The following ZNF385D variants were observed in gnomAD, a reference collection of about 807,000 sequenced individuals.
ZNF385D encodes the protein zinc finger protein 659.
A neutral mutation model predicts 35.8 loss-of-function variants in ZNF385D; 15 were observed. That is an observed-to-expected ratio of 0.42 (90% CI 0.28 to 0.64). The LOEUF (loss-of-function observed/expected upper bound fraction) is 0.64. Among genes scored for constraint, ZNF385D ranks in the 30% least tolerant of loss-of-function variants. The pLI is 0.23. For synonymous variants in ZNF385D, 212 were observed against 186.8 expected, an observed-to-expected ratio of 1.13 and a Z score of -1.10; for missense variants, 474 against 494.6, an observed-to-expected ratio of 0.96 and a Z score of 0.39.
chr3:21,731,863 T>C lies in ZNF385D; in HGVS notation c.22+19032A>G, dbSNP rs370966575. 1.9e-4 allele frequency among the ~76,000 whole-genome samples: 29 copies of C among 152,136 alleles called. 4 individuals carry two copies. Among genetic ancestry groups the C allele is most frequent in the Admixed American group, 1.2e-3 (19 of 15,280 alleles). Reference sequence around the variant, plus strand: ...CTAATATGCATTTAATGTCCCACCATGCCTTTTCATCACTTGGTAGTTCAT... The same window carrying C: ...CTAATATGCATTTAATGTCCCACCACGCCTTTTCATCACTTGGTAGTTCAT... On this transcript the variant is annotated intron_variant, in intron 1 of 7. Transcript: ENST00000281523.
chr3:22,057,040 A>C (rs1699438288), intron 3 of ZNF385D, among the ~76,000 whole-genome samples: 1 of 152,256 alleles, frequency 6.6e-6, no homozygotes, highest in Admixed American at 6.5e-5. Flanking sequence ...AGAAGTGAGA[A>C]GTAAAACAGA....
At chr3:21,930,652 G>C (rs1029154008) in intron 3 of ZNF385D, among the ~76,000 whole-genome samples, 1 of 152,128 alleles carries the variant, frequency 6.6e-6, no homozygotes, top group South Asian at 2.1e-4. Context: ...ACAGAACTAA[G>C]ATGAGAAATT....
intron 3 of ZNF385D, among the ~76,000 whole-genome samples, chr3:22,011,121 G>A (rs1017968708): frequency 6.6e-6 from 1 of 151,988 alleles, no homozygotes; most frequent in African/African-American, 2.4e-5. Flanking sequence ...TAATTTCTTA[G>A]AGTTTGATTT....
At chr3:22,084,099 G>C (rs948827768) in intron 3 of ZNF385D, among the ~76,000 whole-genome samples, 1 of 152,158 alleles carries the variant, frequency 6.6e-6, no homozygotes, top group Non-Finnish European at 1.5e-5. Context: ...ACATGGAAAG[G>C]AACAACCAGT....
At chr3:21,634,178 C>A (rs2065358732) in intron 2 of ZNF385D, among the ~76,000 whole-genome samples, 1 of 150,602 alleles carries the variant, frequency 6.6e-6, no homozygotes, top group Non-Finnish European at 1.5e-5. Flanking sequence ...ACCTGGGTGA[C>A]AGAGTGAGAA....
chr3:22,022,796 A>T lies in ZNF385D; in HGVS notation c.325+146021T>A, dbSNP rs1697302039. ...ATTTAAAAATATATGGAGAAATAGTACTGTTCTTTCAAATAACATATGCAA... is the reference window on the plus strand; with the variant it reads ...ATTTAAAAATATATGGAGAAATAGTTCTGTTCTTTCAAATAACATATGCAA... On this transcript the variant is annotated intron_variant, in intron 3 of 5. Coordinates refer to the ZNF385D transcript ENST00000494108. 2.0e-5 allele frequency among the ~76,000 whole-genome samples: 3 copies of T among 152,192 alleles called. No individual in the cohort carries two copies. In the South Asian group the frequency reaches 6.2e-4, roughly 31 times the overall value.
At chr3:21,921,674 A>G (rs1009150284) in intron 3 of ZNF385D, among the ~76,000 whole-genome samples, 3 of 109,684 alleles carry the variant, frequency 2.7e-5, no homozygotes, top group Non-Finnish European at 7.0e-5. Flanking sequence ...CCAAGAATAT[A>G]TGTCTTCAAA....
chr3:22,265,900 T>C (rs1364679402), intron 2 of ZNF385D, among the ~76,000 whole-genome samples: 1 of 151,962 alleles, frequency 6.6e-6, no homozygotes, highest in Admixed American at 6.6e-5. Context: ...ATATAACTAA[T>C]ACGTAATTAA....
chr3:21,715,274 C>G (rs2068270153), intron 1 of ZNF385D, among the ~76,000 whole-genome samples: 1 of 152,060 alleles, frequency 6.6e-6, no homozygotes, highest in Non-Finnish European at 1.5e-5. Context: ...TTTCCATTGT[C>G]TATCATTCCA....
chr3:21,953,454 T>C (rs1034245435), intron 3 of ZNF385D, among the ~76,000 whole-genome samples: 5 of 152,040 alleles, frequency 3.3e-5, no homozygotes, highest in Non-Finnish European at 5.9e-5. Context: ...TGAAACTTCC[T>C]GAACAAATAT....
chr3:21,925,407 C>T (rs1700677565), intron 3 of ZNF385D, among the ~76,000 whole-genome samples: 1 of 152,204 alleles, frequency 6.6e-6, no homozygotes, highest in East Asian at 1.9e-4. Flanking sequence ...AACAAATAGG[C>T]AGGTATACAC....
At chr3:21,765,720 C>CATAGAGAGAG (rs2070800124) in intron 3 of ZNF385D, among the ~76,000 whole-genome samples, 1 of 139,030 alleles carries the variant, frequency 7.2e-6, no homozygotes, top group Non-Finnish European at 1.6e-5. Context: ...CACATACACA[C>CATAGAGAGAG]ACAGAGAGAG....
At chr3:22,153,343 C>T (rs1705377298) in intron 3 of ZNF385D, among the ~76,000 whole-genome samples, 1 of 152,078 alleles carries the variant, frequency 6.6e-6, no homozygotes, top group African/African-American at 2.4e-5. Context: ...AGAGCCAGAT[C>T]CTCCCTGATG....
chr3:22,144,761 C>T (rs1559405270), intron 3 of ZNF385D, among the ~76,000 whole-genome samples: 1 of 151,766 alleles, frequency 6.6e-6, no homozygotes, highest in East Asian at 1.9e-4. Context: ...AGTTCATATT[C>T]ACAACAATTA....
intron 2 of ZNF385D, among the ~76,000 whole-genome samples, chr3:22,240,201 A>AAAAAT (rs374166678): frequency 1.7e-5 from 2 of 121,002 alleles, no homozygotes. Context: ...AAAAAAAAAA[A>AAAAAT]AAGATTTCAG....
At chr3:21,779,293 T>C (rs924598140) in intron 3 of ZNF385D, among the ~76,000 whole-genome samples, 1 of 151,934 alleles carries the variant, frequency 6.6e-6, no homozygotes, top group African/African-American at 2.4e-5. Flanking sequence ...GACTTCTAAC[T>C]CAGTGATCAT....
At chr3:21,863,064 T>C (rs898642144) in intron 3 of ZNF385D, among the ~76,000 whole-genome samples, 2 of 152,108 alleles carry the variant, frequency 1.3e-5, no homozygotes, top group South Asian at 2.1e-4. Context: ...TATTTGAAAA[T>C]ACACACATAA....
chr3:21,414,680 T>C lies in ZNF385D; in HGVS notation c.*6534A>G, dbSNP rs751306646. 3.3e-5 allele frequency: 5 copies of C among 152,118 alleles called. No homozygotes were observed. The highest frequency in any genetic ancestry group is 7.2e-5 in the African/African-American group (3 of 41,430). The allele number at this position is 152,118 out of a possible 1,614,324, so 9.4% of individuals were successfully genotyped here. ...CAAGTGAATTGGCCCAGTTTCCTCG[T>C]AGATGATTGGTAGTGAAGCCAACAA... On this transcript the variant is annotated 3_prime_UTR_variant, in exon 8 of 8. Coordinates refer to ENST00000281523, the MANE Select transcript of ZNF385D (RefSeq NM_024697.3).
At chr3:21,574,507 A>C (rs2063435878) in intron 2 of ZNF385D, among the ~76,000 whole-genome samples, 2 of 152,198 alleles carry the variant, frequency 1.3e-5, no homozygotes, top group African/African-American at 4.8e-5. Flanking sequence ...CAATTGAAGG[A>C]AAGTAATACT....
Sources: gnomAD v4.1 joint callset for allele counts (sites outside exome capture counted in the v4.1 genomes callset) on GRCh38, gnomAD v4.1.1 for gene constraint, MANE v1.5 for transcripts, NCBI Gene and HGNC (gene_info 2026-07-23, HGNC 2026-07-21) for gene names.